TNS1: variants seen among roughly 807,000 people sequenced by gnomAD.
The protein encoded by TNS1 is tensin-1.
Under a neutral mutation model 168.6 loss-of-function variants are expected in TNS1, and 62 were observed. The observed-to-expected ratio is 0.37, with a 90% CI of 0.30 to 0.45. TNS1 has a LOEUF of 0.45. TNS1 is among the 20% of genes least tolerant of loss of function. The pLI, the probability that TNS1 is intolerant of heterozygous loss-of-function variation, is 1.00. For synonymous variants in TNS1, 934 were observed against 933.2 expected (o/e 1.00, Z -0.02); for missense variants, 2,240 against 2,339.4 (o/e 0.96, Z 0.88).
chr2:217,953,187 A>T (rs1318583964), intron 3 of TNS1, among the ~76,000 whole-genome samples: 2 of 152,128 alleles, frequency 1.3e-5, no homozygotes, highest in African/African-American at 4.8e-5. Context: ...CAGATGAAGG[A>T]TGCTTGGGCT....
In TNS1 at chr2:217,804,400, TG is replaced by T; in HGVS notation, c.*58del. 5.0e-6 allele frequency: 8 copies of T among 1,602,640 alleles called. No homozygotes were observed. The highest frequency in any genetic ancestry group is 6.8e-6 in the Non-Finnish European group (8 of 1,173,812). ...TGGGTTCAAGAGTGGTCAGGATTCATGGGTCCCCTCCCCACAAGCCCCTTCC... is the reference window on the plus strand; with the variant it reads ...TGGGTTCAAGAGTGGTCAGGATTCATGGTCCCCTCCCCACAAGCCCCTTCC... On this transcript the variant is annotated 3_prime_UTR_variant, in exon 33 of 33. Transcript: ENST00000682258.
At chr2:217,849,476 A>C (rs1351858211) in intron 18 of TNS1, among the ~76,000 whole-genome samples, 1 of 152,214 alleles carries the variant, frequency 6.6e-6, no homozygotes, top group Non-Finnish European at 1.5e-5. Flanking sequence ...ACCATCTGAA[A>C]TTGCCAATAT....
At chr2:217,871,679 C>T (rs774360876) in intron 18 of TNS1, among the ~76,000 whole-genome samples, 2 of 152,278 alleles carry the variant, frequency 1.3e-5, no homozygotes, top group South Asian at 2.1e-4. Flanking sequence ...CACTGGGACT[C>T]TGCTCCCCAC....
At chr2:217,888,730 C>G (rs1448502079) in intron 12 of TNS1, among the ~76,000 whole-genome samples, 2 of 152,208 alleles carry the variant, frequency 1.3e-5, no homozygotes, top group Admixed American at 6.5e-5. Flanking sequence ...TGAGATTTGC[C>G]TTTCACCTTC....
At chr2:217,821,443 T>C (rs1473909573) in intron 23 of TNS1, among the ~76,000 whole-genome samples, 1 of 152,162 alleles carries the variant, frequency 6.6e-6, no homozygotes, top group Non-Finnish European at 1.5e-5. Flanking sequence ...GATTTTCAAC[T>C]TGGGGAAGGA....
chr2:217,833,921 TA>T (rs1263333277), intron 21 of TNS1, among the ~76,000 whole-genome samples: 1 of 152,270 alleles, frequency 6.6e-6, no homozygotes, highest in African/African-American at 2.4e-5. Context: ...TAAGAGATTG[TA>T]AAATAGCTCA....
rs886157687 is a variant in TNS1 at position 217,813,399 on chromosome 2, G to A, written c.4862-92C>T. 9.5e-6 allele frequency: 11 copies of A among 1,152,604 alleles called. No homozygotes were observed. The highest frequency in any genetic ancestry group is 2.7e-5 in the South Asian group (2 of 74,792). 71.4% of individuals were successfully genotyped at this position (1,152,604 alleles called of 1,614,324 possible). On this transcript the variant is annotated intron_variant, in intron 26 of 32. Transcript: ENST00000682258. The surrounding 1 kb of genome is among the most constrained non-coding windows in gnomAD (Gnocchi z 4.0). The stretch of plus-strand genomic sequence containing the variant: ...CTGCTTCAAAACTTCCGCAGTGTGC[G>A]GGGCCAAGATGGGAGAAATGACTGA...
chr2:217,952,354 G>A (rs940570202), intron 3 of TNS1, among the ~76,000 whole-genome samples: 1 of 152,164 alleles, frequency 6.6e-6, no homozygotes, highest in Non-Finnish European at 1.5e-5. Flanking sequence ...AATAAGCAGG[G>A]GTGATAGGAC....
chr2:217,969,907 A>G (rs988648426), intron 3 of TNS1, among the ~76,000 whole-genome samples: 2 of 152,246 alleles, frequency 1.3e-5, no homozygotes, highest in African/African-American at 4.8e-5. Flanking sequence ...CCTAACCCCC[A>G]GCACCTTTTT....
intron 1 of TNS1, among the ~76,000 whole-genome samples, chr2:218,008,583 A>G (rs76756336): frequency 0.022 from 3,408 of 152,328 alleles, 126 homozygotes; most frequent in African/African-American, 0.078. Flanking sequence ...CTCTCAGCCA[A>G]TCCCTGAGGA....
intron 18 of TNS1, among the ~76,000 whole-genome samples, chr2:217,861,351 A>G (rs1330484393): frequency 1.3e-5 from 2 of 152,158 alleles, no homozygotes; most frequent in African/African-American, 4.8e-5. Context: ...CTCTCCCTGC[A>G]AGTCCCTGAG....
At chr2:217,822,299 G>A (rs148785293) in intron 22 of TNS1, among the ~76,000 whole-genome samples, 147 of 152,214 alleles carry the variant, frequency 9.7e-4, no homozygotes, top group African/African-American at 3.1e-3. Context: ...GGTTCTCCTC[G>A]TGCCACTAGA....
At chr2:217,972,433 A>G (rs372419396) in intron 3 of TNS1, among the ~76,000 whole-genome samples, 1 of 152,254 alleles carries the variant, frequency 6.6e-6, no homozygotes, top group South Asian at 2.1e-4. Context: ...CAAGACTAGC[A>G]GGAAAGGTAA....
At chr2:218,004,044 A>C (rs572257433), upstream of TNS1, among the ~76,000 whole-genome samples, 3 of 152,294 alleles carry the variant, frequency 2.0e-5, no homozygotes, top group East Asian at 5.8e-4. Flanking sequence ...TCCCCTCCAA[A>C]AAAAACCCTT....
At chr2:217,886,219 G>T in intron 13 of TNS1, 115 bp from the exon 14 acceptor site, 1 of 1,120,596 alleles carries the variant, frequency 8.9e-7, no homozygotes, top group Non-Finnish European at 1.3e-6. Flanking sequence ...GGAAGACGGG[G>T]TAGGAAGGGG....
chr2:217,916,109 T>C (rs968344418), intron 4 of TNS1, among the ~76,000 whole-genome samples: 1 of 152,134 alleles, frequency 6.6e-6, no homozygotes, highest in Non-Finnish European at 1.5e-5. Flanking sequence ...ATTAAATCAG[T>C]TTATTTTTGT....
In TNS1 at chr2:217,903,595, A is replaced by C. The variant is rs955745617; in HGVS notation, c.321+2740T>G. 7.8e-6 allele frequency: 12 copies of C among 1,536,032 alleles called. No homozygotes were observed. In the African/African-American group the frequency reaches 1.6e-4, roughly 21 times the overall value. ...CTAAACACCAAACAGAACTCTCCCC[A>C]TCCTTACCTCCAAAACACAATCCTT... is the stretch of plus-strand genomic sequence containing the variant. On this transcript the variant is annotated intron_variant, in intron 6 of 32. Transcript: ENST00000682258.
chr2:217,979,141 G>A (rs1957974466), intron 2 of TNS1, among the ~76,000 whole-genome samples: 1 of 152,154 alleles, frequency 6.6e-6, no homozygotes, highest in South Asian at 2.1e-4. Flanking sequence ...CGGGCCCCAC[G>A]CCAGCCCCAC....
intron 6 of TNS1, chr2:217,901,642 C>T (rs935345643): frequency 2.6e-5 from 4 of 152,188 alleles, no homozygotes; most frequent in Non-Finnish European, 5.9e-5. Flanking sequence ...AAGTTGCAGC[C>T]TCTTCTTTAA....
Sources: allele counts gnomAD v4.1 joint callset (sites outside exome capture counted in the v4.1 genomes callset), GRCh38; gene constraint gnomAD v4.1.1; non-coding constraint Gnocchi (gnomAD v3.1); transcripts MANE v1.5; gene names NCBI Gene and HGNC (gene_info 2026-07-23, HGNC 2026-07-21).